GTF3A: variants seen among roughly 807,000 people sequenced by gnomAD.
The protein encoded by GTF3A is transcription factor IIIA.
In GTF3A, 40 loss-of-function variants were observed where a neutral mutation model predicts 37.6. That is an observed-to-expected ratio of 1.06 (90% confidence interval 0.83 to 1.38). The LOEUF (loss-of-function observed/expected upper bound fraction) is 1.38, where lower values mean the gene tolerates loss of function less well. GTF3A is among the 40% of genes most tolerant of loss of function. The pLI is 0.00. For missense variants in GTF3A, 500 were observed against 462.6 expected, an observed-to-expected ratio of 1.08 and a Z score of -0.74; for synonymous variants, 191 against 166.7, an observed-to-expected ratio of 1.15 and a Z score of -1.12.
chr13:27,427,586 A>G (rs887530062), intron 2 of GTF3A, among the ~76,000 whole-genome samples: 3 of 152,146 alleles, frequency 2.0e-5, no homozygotes, highest in African/African-American at 7.2e-5. Context: ...AAGCCATGAG[A>G]AAATCACCAG....
intron 4 of GTF3A, among the ~76,000 whole-genome samples, chr13:27,432,499 G>C (rs1953666060): frequency 6.6e-6 from 1 of 152,164 alleles, no homozygotes; most frequent in African/African-American, 2.4e-5. Context: ...GATGAAAACT[G>C]TTTAAATGGG....
chr13:27,433,515 A>T (rs1389658430), intron 5 of GTF3A, among the ~76,000 whole-genome samples: 1 of 50,468 alleles, frequency 2.0e-5, no homozygotes, highest in South Asian at 1.0e-3. Flanking sequence ...GTACTCTTTT[A>T]AAAAAAAAAA....
chr13:27,424,837 C>T lies in GTF3A; in HGVS notation c.100C>T (p.Pro34Ser), dbSNP rs1008017244. The T allele has an allele frequency of 3.2e-6, 5 of 1,550,862 alleles. No individual in the cohort carries two copies. Among genetic ancestry groups the T allele is most frequent in the Non-Finnish European group, 4.4e-6 (5 of 1,146,864 alleles). ...GAGCTCAGCTCCGACCCCGCCGCGC[C>T]CCGCGCTTCCCAGGAGGTTCATCTG... The change falls in exon 1 of 9, where the codon CCC becomes TCC. Residue 34 changes from proline to serine, a missense_variant. Pro to Ser is a moderately conservative substitution (Grantham distance 74). Coordinates refer to ENST00000381140, the MANE Select transcript of GTF3A (RefSeq NM_002097.3).
At position 27,430,047 on chromosome 13, in the gene GTF3A, C is replaced by T. The variant is rs1593178676; in HGVS notation, c.399+81C>T. Reference sequence around the variant, plus strand: ...TGTTTCTGACATTTTCAGCCAGGTGCGGTGGCTCAAGCCTATAATCGTAGC... The same window carrying T: ...TGTTTCTGACATTTTCAGCCAGGTGTGGTGGCTCAAGCCTATAATCGTAGC... On this transcript the variant is annotated intron_variant, in intron 3 of 8. Coordinates refer to ENST00000381140, the MANE Select transcript of GTF3A (RefSeq NM_002097.3). 4 of 706,160 alleles carry T rather than the reference C, an allele frequency of 5.7e-6. No homozygotes were observed. The South Asian group carries it at 7.1e-5, about 12-fold the overall frequency. 43.7% of individuals were successfully genotyped at this position (706,160 alleles called of 1,614,324 possible). A position where few individuals can be genotyped will look rare whatever the true frequency, so the allele number is the denominator to read the frequency against.
chr13:27,433,782 T>C (rs982154932), intron 5 of GTF3A, among the ~76,000 whole-genome samples: 8 of 151,932 alleles, frequency 5.3e-5, no homozygotes, highest in African/African-American at 1.5e-4. Context: ...GTTAAAGCAG[T>C]TGGGAGTCCA....
At chr13:27,435,217 C>A in intron 8 of GTF3A, 25 bp downstream of exon 8, 1 of 1,570,908 alleles carries the variant, frequency 6.4e-7, no homozygotes, top group South Asian at 1.2e-5. Flanking sequence ...CTTAGGCAAG[C>A]TTAGTTTTCA....
intron 2 of GTF3A, among the ~76,000 whole-genome samples, chr13:27,428,450 G>A (rs758871980): frequency 1.3e-4 from 20 of 152,196 alleles, no homozygotes; most frequent in Admixed American, 2.6e-4. Context: ...TTTCAAGCAC[G>A]GCCTACATGT....
In GTF3A at chr13:27,424,947, G is replaced by A. The variant is rs1331752480; in HGVS notation, c.201+9G>A. 4 of 1,541,644 alleles carry A rather than the reference G, an allele frequency of 2.6e-6. No individual in the cohort carries two copies. In the African/African-American group the frequency reaches 4.1e-5, roughly 16 times the overall value. ...GCAAGCACACGGGGGAGGTGAGGGGGGCGAGGCTGCCAACCCTGGGCCTAG... is the reference window on the plus strand; with the variant it reads ...GCAAGCACACGGGGGAGGTGAGGGGAGCGAGGCTGCCAACCCTGGGCCTAG... On this transcript the variant is annotated intron_variant, in intron 1 of 8. Transcript: ENST00000381140.
intron 2 of GTF3A, among the ~76,000 whole-genome samples, chr13:27,428,651 C>T (rs1454004471): frequency 1.3e-5 from 2 of 152,168 alleles, no homozygotes; most frequent in African/African-American, 2.4e-5. Flanking sequence ...CCTGGCCTGT[C>T]CTCCTATCCC....
chr13:27,427,317 C>T lies in GTF3A; in HGVS notation c.302+125C>T. 6 of 638,882 alleles carry T rather than the reference C, an allele frequency of 9.4e-6. No individual in the cohort carries two copies. The Admixed American group carries it at 1.4e-4, about 15-fold the overall frequency. 39.6% of individuals were successfully genotyped at this position (638,882 alleles called of 1,614,324 possible). ...GCCTGGCAGGGCTCGGTGGCTCATGCCTGTAATCCCAGCACTTTGGGAGGC... is the reference window on the plus strand; with the variant it reads ...GCCTGGCAGGGCTCGGTGGCTCATGTCTGTAATCCCAGCACTTTGGGAGGC... On this transcript the variant is annotated intron_variant, in intron 2 of 8. Coordinates refer to ENST00000381140, the MANE Select transcript of GTF3A (RefSeq NM_002097.3).
rs760978453 is a variant in GTF3A, at chr13:27,435,140, T to C, written c.881T>C (p.Leu294Pro). ...CTTTCTCTTTCATTGTAGCAAAGTC[T>C]CACTAGGCATGCTGTTGTACATGAT... Residue 294 changes from leucine to proline, a missense_variant, in exon 8 of 9, where the codon CTC becomes CCC. Physicochemically the swap from Leu to Pro is moderately conservative, Grantham distance 98. Transcript: ENST00000381140. The C allele has an allele frequency of 3.7e-6, 6 of 1,609,604 alleles. No homozygotes were observed. The highest frequency in any genetic ancestry group is 1.7e-5 in the Admixed American group (1 of 59,400).
At chr13:27,434,282 C>T (rs918436784) in intron 6 of GTF3A, 63 bp downstream of exon 6, 9 of 784,682 alleles carry the variant, frequency 1.1e-5, no homozygotes, top group Non-Finnish European at 2.1e-5. Context: ...TGATTTAGTG[C>T]TTTTCAAGAG....
chr13:27,425,054 A>T lies in GTF3A; in HGVS notation c.201+116A>T, dbSNP rs528459077. ...GCTGTGCAGCGCGTTCAGCTTTGACATCCAGGACTTGGGGAAGGAGCTGAG... is the reference window on the plus strand; with the variant it reads ...GCTGTGCAGCGCGTTCAGCTTTGACTTCCAGGACTTGGGGAAGGAGCTGAG... On this transcript the variant is annotated intron_variant, in intron 1 of 8. Transcript: ENST00000381140. 9.0e-5 allele frequency: 61 copies of T among 679,136 alleles called. No homozygotes were observed. In the African/African-American group the frequency reaches 9.7e-4, roughly 11 times the overall value. The allele number at this position is 679,136 out of a possible 1,614,324, so 42.1% of individuals were successfully genotyped here.
At chr13:27,434,673 C>T (rs1025031529) in intron 6 of GTF3A, 132 bp from the exon 7 acceptor site, 28 of 595,366 alleles carry the variant, frequency 4.7e-5, no homozygotes, top group Non-Finnish European at 7.8e-5. Context: ...GGGGTTGTTT[C>T]CTTGGGAATT....
intron 4 of GTF3A, among the ~76,000 whole-genome samples, chr13:27,432,242 G>T (rs1487991577): frequency 6.6e-6 from 1 of 152,196 alleles, no homozygotes; most frequent in South Asian, 2.1e-4. Context: ...GTCCTTGCTT[G>T]TGGGTCTGCT....
intron 2 of GTF3A, among the ~76,000 whole-genome samples, chr13:27,428,890 C>T (rs945855914): frequency 1.3e-5 from 2 of 152,056 alleles, no homozygotes; most frequent in African/African-American, 4.8e-5. Context: ...AAGCATGCCA[C>T]TGGCAGGAAG....
Position 27,424,858 on chromosome 13 carries a change from A to G in GTF3A, c.121A>G (p.Ile41Val). Residue 41 changes from isoleucine to valine, a missense_variant, in exon 1 of 9, where the codon ATC becomes GTC. Physicochemically the swap from Ile to Val is conservative, Grantham distance 29. Coordinates refer to ENST00000381140, the MANE Select transcript of GTF3A (RefSeq NM_002097.3). ...GCGCCCCGCGCTTCCCAGGAGGTTC[A>G]TCTGCTCCTTCCCTGACTGCAGCGC... The G allele has an allele frequency of 1.3e-6, 2 of 1,550,262 alleles. No homozygotes were observed. The highest frequency in any genetic ancestry group is 1.7e-6 in the Non-Finnish European group (2 of 1,146,450).
chr13:27,435,410 G>T (rs1463765213), intron 8 of GTF3A, 23 bp from the exon 9 acceptor site: 2 of 1,603,376 alleles, frequency 1.2e-6, no homozygotes, highest in African/African-American at 1.3e-5. Flanking sequence ...AATTCTAATC[G>T]TGTGTCTTCC....
chr13:27,430,470 G>T, intron 3 of GTF3A, 63 bp from the exon 4 acceptor site: 1 of 1,007,998 alleles, frequency 9.9e-7, no homozygotes. Context: ...TGAGGATTCT[G>T]TTACGAACTG....
Sources: gnomAD v4.1 joint callset for allele counts (sites outside exome capture counted in the v4.1 genomes callset) on GRCh38, gnomAD v4.1.1 for gene constraint, MANE v1.5 for transcripts, NCBI Gene and HGNC (gene_info 2026-07-23, HGNC 2026-07-21) for gene names.